Variants in SEL1L3 observed in about 807,000 individuals in gnomAD.
SEL1L3 encodes the protein protein sel-1 homolog 3.
A neutral mutation model predicts 142.8 loss-of-function variants in SEL1L3; 76 were observed. The observed-to-expected ratio is 0.53, with a 90% confidence interval of 0.44 to 0.64. The LOEUF (loss-of-function observed/expected upper bound fraction) is 0.64, where lower values mean the gene tolerates loss of function less well. SEL1L3 is among the 30% of genes least tolerant of loss of function. The pLI is 0.00. For missense variants in SEL1L3, 1,262 were observed against 1,381.7 expected (o/e 0.91, Z 1.37); for synonymous variants, 504 against 519.6 (o/e 0.97, Z 0.41).
At chr4:25,735,558 C>G in the SEL1L3 span, among the ~76,000 whole-genome samples, 5 of 147,202 alleles carry the variant, frequency 3.4e-5, no homozygotes, top group African/African-American at 1.2e-4. Context: ...TATTTTCCTT[C>G]AGTTTTCTTC....
At position 25,858,448 on chromosome 4, in the gene SEL1L3, C is replaced by T. The variant is rs187540717; in HGVS notation, c.162+4227G>A. ...TAATGAATACTCTTAGATGGATGACCGAGGGTGTGTGGCCACTTACAGGGA... is the reference window on the plus strand; with the variant it reads ...TAATGAATACTCTTAGATGGATGACTGAGGGTGTGTGGCCACTTACAGGGA... On this transcript the variant is annotated intron_variant, in intron 1 of 23. Coordinates refer to ENST00000399878, the MANE Select transcript of SEL1L3 (RefSeq NM_015187.5). Among the ~76,000 whole-genome samples, 9 of 152,280 alleles carry T rather than the reference C, an allele frequency of 5.9e-5. No homozygotes were observed. The East Asian group carries it at 1.4e-3, about 23-fold the overall frequency.
At chr4:25,758,370 C>A in intron 21 of SEL1L3, among the ~76,000 whole-genome samples, 1 of 152,170 alleles carries the variant, frequency 6.6e-6, no homozygotes, top group East Asian at 1.9e-4. Context: ...ACTTAGGAGG[C>A]TGAGGCATGA....
In SEL1L3 at chr4:25,847,633, A is replaced by G; in HGVS notation, c.394T>C (p.Trp132Arg). Residue 132 changes from tryptophan (W) to arginine (R), a missense_variant, in exon 2 of 24, where the codon TGG (tryptophan) becomes CGG (arginine). Around this residue, in one of 3 missense-constraint regions of SEL1L3, gnomAD observed 689 missense variants for 692.8 expected, o/e 0.99. Coordinates refer to ENST00000399878, the MANE Select transcript of SEL1L3 (RefSeq NM_015187.5). ...RSSIPVYKKRWKNEKHLHTSR... is the reference protein window; with the variant it reads ...RSSIPVYKKRRKNEKHLHTSR... ...GTGTGAAGATGTTTCTCATTCTTCC[A>G]CCTTTTTTTGTACACGGGAATGCTA... 1 of 1,613,974 alleles carries G rather than the reference A, an allele frequency of 6.2e-7. No individual in the cohort carries two copies.
At chr4:25,769,933 G>C (rs1719034632) in intron 17 of SEL1L3, among the ~76,000 whole-genome samples, 1 of 152,118 alleles carries the variant, frequency 6.6e-6, no homozygotes, top group African/African-American at 2.4e-5. Flanking sequence ...TTCAAGACCA[G>C]CCTGGGCAAC....
At position 25,844,978 on chromosome 4, in the gene SEL1L3, AT is replaced by A. The variant is rs1173987011; in HGVS notation, c.733+2315del. Among the ~76,000 whole-genome samples the A allele has an allele frequency of 2.6e-5, 4 of 152,348 alleles. No individual in the cohort carries two copies. In the South Asian group the frequency reaches 8.3e-4, roughly 32 times the overall value. The stretch of plus-strand genomic sequence containing the variant: ...TCTTTTCATTTAAAGCACTGCACAA[AT>A]GCAGAATAAACCAGACAGACAGGGT... On this transcript the variant is annotated intron_variant, in intron 2 of 23. Coordinates refer to ENST00000399878, the MANE Select transcript of SEL1L3 (RefSeq NM_015187.5).
At chr4:25,848,719 A>T (rs1716702124) in intron 1 of SEL1L3, among the ~76,000 whole-genome samples, 1 of 152,248 alleles carries the variant, frequency 6.6e-6, no homozygotes, top group African/African-American at 2.4e-5. Context: ...ACAGAGAGAA[A>T]ATAACAAGTG....
intron 7 of SEL1L3, among the ~76,000 whole-genome samples, chr4:25,820,464 G>A (rs1032419460): frequency 3.9e-5 from 6 of 152,216 alleles, no homozygotes; most frequent in Non-Finnish European, 7.3e-5. Flanking sequence ...ATTAAAGCAT[G>A]TACTGTATTC....
chr4:25,847,260 G>T, intron 2 of SEL1L3, 34 bp downstream of exon 2: 1 of 1,538,376 alleles, frequency 6.5e-7, no homozygotes, highest in South Asian at 1.2e-5. Flanking sequence ...CTGAAAAAAT[G>T]AGAATTAGGT....
intron 1 of SEL1L3, among the ~76,000 whole-genome samples, chr4:25,849,288 C>T (rs527557554): frequency 3.9e-4 from 59 of 152,242 alleles, no homozygotes; most frequent in African/African-American, 1.4e-3. Context: ...AAGGGTCCAT[C>T]CATGGATGAA....
the SEL1L3 span, among the ~76,000 whole-genome samples, chr4:25,722,624 C>CTTTTTTTTTTTTTTTTTTT: frequency 1.6e-4 from 17 of 103,664 alleles, 1 homozygote; most frequent in African/African-American, 6.2e-4. Context: ...CCAAAGGAGG[C>CTTTTTTTTTTTTTTTTTTT]TTTTTTTTTT....
At chr4:25,808,798 A>G (rs1392813491) in intron 9 of SEL1L3, among the ~76,000 whole-genome samples, 3 of 7,636 alleles carry the variant, frequency 3.9e-4, no homozygotes, top group African/African-American at 9.9e-4. Context: ...GGCCATGTGC[A>G]GTGGCGCACG....
chr4:25,758,853 ATAAGGGT>A, intron 21 of SEL1L3, 81 bp downstream of exon 21: 1 of 1,336,804 alleles, frequency 7.5e-7, no homozygotes, highest in Non-Finnish European at 1.0e-6. Context: ...ACATTACAAT[ATAAGGGT>A]AAAGCTAACT....
Position 25,847,656 on chromosome 4 carries a change from C to T in SEL1L3, c.371G>A (p.Ser124Asn), listed in dbSNP as rs1716619770. Reference sequence around the variant, plus strand: ...CCACCTTTTTTTGTACACGGGAATGCTACTTCTGAACTCAGATGAAACAAC... The same window carrying T: ...CCACCTTTTTTTGTACACGGGAATGTTACTTCTGAACTCAGATGAAACAAC... ...EAVVSSEFRS[S>N]IPVYKKRWKN... Residue 124 changes from serine (S) to asparagine (N), a missense_variant, in exon 2 of 24, where the codon AGC (serine) becomes AAC (asparagine). Ser to Asn is a conservative substitution (Grantham distance 46, BLOSUM62 1). Transcript: ENST00000399878. The T allele has an allele frequency of 1.9e-6, 3 of 1,613,788 alleles. No homozygotes were observed. The highest frequency in any genetic ancestry group is 2.5e-6 in the Non-Finnish European group (3 of 1,179,848).
At chr4:25,734,070 T>C in the SEL1L3 span, among the ~76,000 whole-genome samples, 106,924 of 152,028 alleles carry the variant, frequency 0.7, 37,700 homozygotes, top group East Asian at 0.8. Context: ...GTCGCCCAGG[T>C]TGGAGTGCAA....
intron 2 of SEL1L3, among the ~76,000 whole-genome samples, chr4:25,838,252 TAAAC>T (rs111533756): frequency 0.018 from 2,741 of 152,304 alleles, 29 homozygotes; most frequent in Non-Finnish European, 0.026. Context: ...GAGCTTAGGT[TAAAC>T]AAACAAACAA....
chr4:25,776,886 A>T (rs73258097), intron 16 of SEL1L3, among the ~76,000 whole-genome samples: 9,848 of 152,046 alleles, frequency 0.065, 384 homozygotes, highest in Non-Finnish European at 0.083. Flanking sequence ...AAAAGAGATT[A>T]AAAAAAGGCA....
intron 1 of SEL1L3, among the ~76,000 whole-genome samples, chr4:25,854,254 T>C (rs1717092314): frequency 6.6e-6 from 1 of 152,336 alleles, no homozygotes; most frequent in South Asian, 2.1e-4. Context: ...CACAGGCCTA[T>C]AGTTTGCGAA....
chr4:25,833,083 A>T lies in SEL1L3; in HGVS notation c.1010T>A (p.Val337Asp). The change falls in exon 5 of 24, where the codon GTC becomes GAC. Residue 337 changes from valine (V) to aspartate (D), a missense_variant. Coordinates refer to ENST00000399878, the MANE Select transcript of SEL1L3 (RefSeq NM_015187.5). ...EGYLHIQMHL[V>D]KGEDLAVKTK... ...TTTTACAGCAAGGTCTTCCCCTTTG[A>T]CAAGATGCATCTGAATATGCAAATA... 1 of 1,609,552 alleles carries T rather than the reference A, an allele frequency of 6.2e-7. No individual in the cohort carries two copies. Among genetic ancestry groups the T allele is most frequent in the Non-Finnish European group, 8.5e-7 (1 of 1,175,962 alleles).
the SEL1L3 span, among the ~76,000 whole-genome samples, chr4:25,717,902 A>G: frequency 6.6e-6 from 1 of 152,218 alleles, no homozygotes; most frequent in Non-Finnish European, 1.5e-5. Flanking sequence ...TGTACATAGT[A>G]AGTGATAAGT....
Sources: gnomAD v4.1 joint callset for allele counts (sites outside exome capture counted in the v4.1 genomes callset) on GRCh38, gnomAD v4.1.1 for gene constraint, gnomAD v4.1.1 regional missense constraint, MANE v1.5 for transcripts, NCBI Gene and HGNC (gene_info 2026-07-23, HGNC 2026-07-21) for gene names.